The following FRAS1 variants were observed in gnomAD, a reference collection of about 807,000 sequenced individuals.
The protein encoded by FRAS1 is Fraser extracellular matrix complex subunit 1, also known as extracellular matrix organizing protein FRAS1.
Under a neutral mutation model 435.2 loss-of-function variants are expected in FRAS1, and 290 were observed. The ratio of observed to expected loss-of-function variants is 0.67; its 90% CI spans 0.61 to 0.73. The LOEUF is 0.73. Among genes scored for constraint, FRAS1 ranks in the 30% least tolerant of loss-of-function variants. FRAS1 has a pLI of 0.00. For missense variants in FRAS1, 4,860 were observed against 5,001.5 expected (o/e 0.97, Z 0.85); for synonymous variants, 1,800 against 1,851.0 (o/e 0.97, Z 0.71).
At chr4:78,314,734 G>A (rs1729165202) in intron 15 of FRAS1, among the ~76,000 whole-genome samples, 1 of 152,108 alleles carries the variant, frequency 6.6e-6, no homozygotes, top group Admixed American at 6.5e-5. Flanking sequence ...CTGAGCCTTG[G>A]CTTACTTTGC....
At chr4:78,222,979 G>A (rs1469513705) in intron 2 of FRAS1, among the ~76,000 whole-genome samples, 2 of 152,172 alleles carry the variant, frequency 1.3e-5, no homozygotes, top group African/African-American at 2.4e-5. Context: ...ATTTAACAAT[G>A]AACCCTGGGA....
At chr4:78,212,465 A>G (rs1723557746) in intron 2 of FRAS1, among the ~76,000 whole-genome samples, 1 of 152,180 alleles carries the variant, frequency 6.6e-6, no homozygotes, top group Non-Finnish European at 1.5e-5. Flanking sequence ...ATCTGCACAA[A>G]GGCAATAAAG....
rs1009036225 is a variant in FRAS1, at chr4:78,515,322, G to A, written c.10175-477G>A. On this transcript the variant is annotated intron_variant, in intron 65 of 73. Coordinates refer to ENST00000512123, the MANE Select transcript of FRAS1 (RefSeq NM_025074.7). ...GAAGTAGTCAAATGTAGGTATGCTG[G>A]CTTTTTTTTTTTTTTTTGAGATGGG... Among the ~76,000 whole-genome samples the A allele has an allele frequency of 6.9e-4, 73 of 105,326 alleles. 1 individual carries two copies. Among genetic ancestry groups the A allele is most frequent in the Admixed American group, 1.4e-3 (15 of 10,802 alleles). The allele number at this position is 105,326 out of a possible 152,430, so 69.1% of individuals were successfully genotyped here. A position where few individuals can be genotyped will look rare whatever the true frequency, so the allele number is the denominator to read the frequency against.
chr4:78,130,171 T>C (rs1719613867), intron 2 of FRAS1, among the ~76,000 whole-genome samples: 1 of 146,670 alleles, frequency 6.8e-6, no homozygotes, highest in South Asian at 2.1e-4. Flanking sequence ...CATGTAATGC[T>C]GGTTTTTTTG....
chr4:78,202,126 A>G (rs559845003), intron 2 of FRAS1, among the ~76,000 whole-genome samples: 1 of 152,334 alleles, frequency 6.6e-6, no homozygotes, highest in South Asian at 2.1e-4. Flanking sequence ...AGCCCCCACC[A>G]CAGACAGTTA....
intron 2 of FRAS1, among the ~76,000 whole-genome samples, chr4:78,078,253 C>T (rs148781090): frequency 1.2e-4 from 18 of 152,206 alleles, no homozygotes; most frequent in Non-Finnish European, 2.1e-4. Flanking sequence ...AATGTTCTTG[C>T]GCACTCTTCA....
At chr4:78,540,463 C>G in intron 73 of FRAS1, 68 bp from the exon 74 acceptor site, 1 of 992,576 alleles carries the variant, frequency 1.0e-6, no homozygotes, top group Non-Finnish European at 1.4e-6. Context: ...TGGCAATTAT[C>G]CTTCCATTTC....
intron 14 of FRAS1, among the ~76,000 whole-genome samples, chr4:78,290,150 T>C (rs1727818304): frequency 6.6e-6 from 1 of 152,208 alleles, no homozygotes. Flanking sequence ...TGTAAGATTA[T>C]GTTAAAATGA....
At chr4:78,278,817 T>G (rs577826080) in intron 10 of FRAS1, 73 bp downstream of exon 10, 7 of 900,846 alleles carry the variant, frequency 7.8e-6, no homozygotes, top group Non-Finnish European at 3.6e-6. Context: ...AACATTACCT[T>G]CTTGTTTCTT....
At chr4:78,526,023 G>A (rs1173741356) in intron 69 of FRAS1, among the ~76,000 whole-genome samples, 1 of 152,194 alleles carries the variant, frequency 6.6e-6, no homozygotes, top group Non-Finnish European at 1.5e-5. Flanking sequence ...TTTCTGCAGG[G>A]TGCTGCTTCC....
intron 2 of FRAS1, among the ~76,000 whole-genome samples, chr4:78,188,965 A>AT (rs147997362): frequency 0.016 from 2,447 of 152,254 alleles, 44 homozygotes; most frequent in African/African-American, 0.048. Context: ...ATGCGGTTTT[A>AT]TTTCCAGCTA....
intron 41 of FRAS1, 119 bp downstream of exon 41, chr4:78,441,416 G>T (rs1401186286): frequency 1.2e-5 from 11 of 936,558 alleles, no homozygotes; most frequent in Non-Finnish European, 1.8e-5. Flanking sequence ...CCATTTCAAA[G>T]AAATGGAAGG....
intron 59 of FRAS1, among the ~76,000 whole-genome samples, chr4:78,493,172 G>A (rs1720414643): frequency 6.6e-6 from 1 of 152,230 alleles, no homozygotes; most frequent in African/African-American, 2.4e-5. Flanking sequence ...TGGAGAGGAT[G>A]TGGAGAAATA....
At chr4:78,308,916 C>T (rs1728903555) in intron 15 of FRAS1, among the ~76,000 whole-genome samples, 3 of 152,276 alleles carry the variant, frequency 2.0e-5, no homozygotes, top group Non-Finnish European at 2.9e-5. Context: ...TGTCCTAATC[C>T]GTGGAACTGT....
chr4:78,168,416 G>A lies in FRAS1; in HGVS notation c.109-69094G>A, dbSNP rs140218619. Among the ~76,000 whole-genome samples the A allele has an allele frequency of 3.3e-3, 504 of 151,172 alleles. 5 individuals are homozygous for A. The highest frequency in any genetic ancestry group is 0.012 in the African/African-American group (487 of 41,188). ...TTTTTGTTTTTTCTTTTTTTTTAGCGTAGCATTTTTGCTTCCCCCCACTTC... is the reference window on the plus strand; with the variant it reads ...TTTTTGTTTTTTCTTTTTTTTTAGCATAGCATTTTTGCTTCCCCCCACTTC... On this transcript the variant is annotated intron_variant, in intron 2 of 73. Transcript: ENST00000512123.
At chr4:78,241,833 CA>C (rs1234105192) in intron 3 of FRAS1, among the ~76,000 whole-genome samples, 1 of 151,788 alleles carries the variant, frequency 6.6e-6, no homozygotes, top group East Asian at 1.9e-4. Flanking sequence ...TGAGAGTGTA[CA>C]AAGATAGAAT....
At chr4:78,099,901 C>T (rs950208055) in intron 2 of FRAS1, among the ~76,000 whole-genome samples, 4 of 152,080 alleles carry the variant, frequency 2.6e-5, no homozygotes, top group African/African-American at 9.7e-5. Context: ...TTAGAGGGGG[C>T]TGGATTTCTT....
chr4:78,517,003 T>C (rs1184646529), intron 66 of FRAS1, among the ~76,000 whole-genome samples: 1 of 152,250 alleles, frequency 6.6e-6, no homozygotes, highest in Non-Finnish European at 1.5e-5. Flanking sequence ...GAGACTAGGC[T>C]AATCTGTCCT....
chr4:78,446,692 T>A, intron 42 of FRAS1, 35 bp from the exon 43 acceptor site: 1 of 1,590,122 alleles, frequency 6.3e-7, no homozygotes, highest in Non-Finnish European at 8.5e-7. Context: ...TTCTTAAATA[T>A]CTGTGTGAGA....
Sources: allele counts gnomAD v4.1 joint callset (sites outside exome capture counted in the v4.1 genomes callset), GRCh38; gene constraint gnomAD v4.1.1; transcripts MANE v1.5; gene names NCBI Gene and HGNC (gene_info 2026-07-23, HGNC 2026-07-21).